Variants in PDE6A observed in about 807,000 individuals in gnomAD.
PDE6A encodes the protein rod cGMP-specific 3',5'-cyclic phosphodiesterase subunit alpha.
Under a neutral mutation model 106.3 loss-of-function variants are expected in PDE6A, and 84 were observed. The ratio of observed to expected loss-of-function variants is 0.79; its 90% CI spans 0.66 to 0.95. The LOEUF is 0.95. Ranked by LOEUF, PDE6A falls within the 40% of genes least tolerant of loss-of-function variation. The pLI is 0.00. For missense variants in PDE6A, 1,052 were observed against 1,084.9 expected (o/e 0.97, Z 0.43); for synonymous variants, 394 against 386.6 (o/e 1.02, Z -0.23).
chr5:149,896,497 C>T lies in PDE6A; in HGVS notation c.1479G>A (p.Ala493=), dbSNP rs772707339. 103 of 1,614,020 alleles carry T rather than the reference C, an allele frequency of 6.4e-5. No homozygotes were observed. Among genetic ancestry groups the T allele is most frequent in the African/African-American group, 2.0e-4 (15 of 74,902 alleles). The change falls in exon 12 of 22, where the codon GCG becomes GCA. Residue 493 remains alanine, a synonymous_variant. Transcript: ENST00000255266. ...CGTATTTATCTGCATCTGGCAGCTC[C>T]GCTTGCTGTATAAGGAATAGAGTCA... ...EEEELAEILQ[A]ELPDADKYEI...
At chr5:149,936,983 C>T (rs73798327) in intron 1 of PDE6A, among the ~76,000 whole-genome samples, 4 of 152,108 alleles carry the variant, frequency 2.6e-5, no homozygotes, top group East Asian at 1.9e-4. Context: ...ATTCAAACGG[C>T]GAGACAGACA....
In PDE6A at chr5:149,880,927, G is replaced by A. The variant is rs914330553; in HGVS notation, c.2135+2502C>T. Reference sequence around the variant, plus strand: ...ATACAAAAAAATTTAGCTGGGAATGGTGGCGGGTGCCTGTAGTCCCAGCTA... The same window carrying A: ...ATACAAAAAAATTTAGCTGGGAATGATGGCGGGTGCCTGTAGTCCCAGCTA... On this transcript the variant is annotated intron_variant, in intron 17 of 21. Transcript: ENST00000255266. 6.6e-5 allele frequency among the ~76,000 whole-genome samples: 10 copies of A among 152,184 alleles called. No individual in the cohort carries two copies. In the East Asian group the frequency reaches 1.9e-3, roughly 29 times the overall value.
intron 4 of PDE6A, among the ~76,000 whole-genome samples, chr5:149,924,877 C>T (rs1753828663): frequency 6.6e-6 from 1 of 152,150 alleles, no homozygotes; most frequent in Non-Finnish European, 1.5e-5. Context: ...GGAAGACTCA[C>T]TGGGCAAGGA....
rs533330370 is a variant in PDE6A, at chr5:149,889,710, A to G, written c.1729-3336T>C. Among the ~76,000 whole-genome samples, 3 of 152,202 alleles carry G rather than the reference A, an allele frequency of 2.0e-5. No homozygotes were observed. The South Asian group carries it at 6.2e-4, about 32-fold the overall frequency. On this transcript the variant is annotated intron_variant, in intron 13 of 21. Transcript: ENST00000255266. ...AACTTGAGGTCAGGAGTTCGAGATC[A>G]GCCTCGGCAACATGGTGAAATATCG...
rs568625734 is a variant in PDE6A, at chr5:149,919,462, C to T, written c.933+2173G>A. ...GGCGGAGGTTGCAGTGAGCTGAGAT[C>T]ATGCCACTGCACTCCAGCCTGGGCA... is the stretch of plus-strand genomic sequence containing the variant. On this transcript the variant is annotated intron_variant, in intron 5 of 21. Coordinates refer to ENST00000255266, the MANE Select transcript of PDE6A (RefSeq NM_000440.3). Among the ~76,000 whole-genome samples, 3 of 152,298 alleles carry T rather than the reference C, an allele frequency of 2.0e-5. No individual in the cohort carries two copies. In the South Asian group the frequency reaches 6.2e-4, roughly 32 times the overall value.
intron 5 of PDE6A, among the ~76,000 whole-genome samples, chr5:149,920,412 C>T (rs1238796657): frequency 3.9e-5 from 6 of 152,052 alleles, no homozygotes; most frequent in Non-Finnish European, 1.5e-5. Context: ...AAAACCCTGT[C>T]TCTACTAAAA....
At chr5:149,878,224 G>T (rs1191906223) in intron 17 of PDE6A, among the ~76,000 whole-genome samples, 1 of 152,152 alleles carries the variant, frequency 6.6e-6, no homozygotes, top group Non-Finnish European at 1.5e-5. Flanking sequence ...AGTTCCCAGA[G>T]GGGTATGTGT....
At chr5:149,866,661 G>T in intron 19 of PDE6A, 1 of 218,506 alleles carries the variant, frequency 4.6e-6, no homozygotes, top group Non-Finnish European at 9.2e-6. Flanking sequence ...ACAGAAATTG[G>T]GGATTAGATG....
In PDE6A at chr5:149,863,297, A is replaced by C; in HGVS notation, c.2359-31T>G. 6.2e-7 allele frequency: 1 copy of C among 1,613,286 alleles called. No individual in the cohort carries two copies. The highest frequency in any genetic ancestry group is 8.5e-7 in the Non-Finnish European group (1 of 1,179,346). ...AGAGAGAGTATGTGCCTCTGGTGCA[A>C]GGGCCAGGCCACAGGGTCTGGGCTC... On this transcript the variant is annotated intron_variant, in intron 20 of 21. Coordinates refer to ENST00000255266, the MANE Select transcript of PDE6A (RefSeq NM_000440.3). This position sits in a 1 kb window ranked among gnomAD's most constrained non-coding sequence, Gnocchi z 4.7.
chr5:149,865,950 T>C (rs952353647), intron 20 of PDE6A, among the ~76,000 whole-genome samples: 1 of 152,226 alleles, frequency 6.6e-6, no homozygotes, highest in Non-Finnish European at 1.5e-5. Context: ...CCCACAATTA[T>C]GTATTAAGCA....
At chr5:149,910,112 A>C (rs528382976) in intron 6 of PDE6A, among the ~76,000 whole-genome samples, 1 of 152,150 alleles carries the variant, frequency 6.6e-6, no homozygotes, top group Non-Finnish European at 1.5e-5. Flanking sequence ...TAGAATGGTA[A>C]TATCTTCCTG....
At chr5:149,899,247 G>C (rs1033533614) in intron 9 of PDE6A, 128 bp downstream of exon 9, 1 of 852,136 alleles carries the variant, frequency 1.2e-6, no homozygotes, top group Non-Finnish European at 2.0e-6. Flanking sequence ...GAAGAAAGTG[G>C]TTGATGAGGC....
chr5:149,861,981 C>G (rs1384561674), intron 21 of PDE6A, among the ~76,000 whole-genome samples: 1 of 152,162 alleles, frequency 6.6e-6, no homozygotes, highest in Non-Finnish European at 1.5e-5. Flanking sequence ...CGGAGTTGTG[C>G]AAAGCATAAA....
intron 19 of PDE6A, 196 bp from the exon 20 acceptor site, chr5:149,866,449 G>A: frequency 3.8e-6 from 2 of 533,138 alleles, no homozygotes; most frequent in Middle Eastern, 5.0e-4. Flanking sequence ...CAGAATGTGG[G>A]AAACTGCACA....
chr5:149,870,889 A>G (rs4705393), intron 17 of PDE6A, among the ~76,000 whole-genome samples: 2 of 144,602 alleles, frequency 1.4e-5, no homozygotes, highest in African/African-American at 5.7e-5. Flanking sequence ...GAAAGAAAGA[A>G]AAAGAAAGAA....
Position 149,898,368 on chromosome 5 carries a change from T to A in PDE6A, c.1402A>T (p.Ile468Phe), listed in dbSNP as rs773545901. ...VKCDNEEIQK[I>F]LKTREVYGKE... ...AAGTAAAGAACATTACACACCAAGA[T>A]TTTCTGAATTTCTTCATTGTCACAC... The change falls in exon 10 of 22, where the codon ATC (isoleucine) becomes TTC (phenylalanine). Residue 468 changes from isoleucine to phenylalanine, a missense_variant. Physicochemically the swap from Ile to Phe is conservative, Grantham distance 21 (BLOSUM62 0). Around this residue, in one of 3 missense-constraint regions of PDE6A, gnomAD observed 913 missense variants for 915.2 expected, o/e 1.00. Coordinates refer to ENST00000255266, the MANE Select transcript of PDE6A (RefSeq NM_000440.3). 1 of 1,613,416 alleles carries A rather than the reference T, an allele frequency of 6.2e-7. No individual in the cohort carries two copies. Among genetic ancestry groups the A allele is most frequent in the Non-Finnish European group, 8.5e-7 (1 of 1,179,468 alleles).
intron 1 of PDE6A, among the ~76,000 whole-genome samples, chr5:149,935,081 C>T (rs907989228): frequency 6.6e-6 from 1 of 152,128 alleles, no homozygotes; most frequent in African/African-American, 2.4e-5. Context: ...CGGGTAAAGA[C>T]TTTAGGAAGT....
In PDE6A at chr5:149,883,537, C is replaced by T; in HGVS notation, c.2028-1G>A. ...GATCTTTTGGAACATCGTCCTCTTC[C>T]TACAAAACATATCAGTCTAGTAAAG... is the stretch of plus-strand genomic sequence containing the variant. On this transcript the variant is annotated splice_acceptor_variant, in intron 16 of 21. Coordinates refer to ENST00000255266, the MANE Select transcript of PDE6A (RefSeq NM_000440.3). LOFTEE classifies it high-confidence loss of function. The T allele has an allele frequency of 6.2e-7, 1 of 1,602,028 alleles. No homozygotes were observed. The highest frequency in any genetic ancestry group is 1.1e-5 in the South Asian group (1 of 90,734).
chr5:149,901,018 C>G (rs1435140659), intron 8 of PDE6A, among the ~76,000 whole-genome samples: 1 of 152,030 alleles, frequency 6.6e-6, no homozygotes, highest in African/African-American at 2.4e-5. Flanking sequence ...TGGGTTCAAG[C>G]GATTCTCCTG....
Sources: gnomAD v4.1 joint callset for allele counts (sites outside exome capture counted in the v4.1 genomes callset) on GRCh38, gnomAD v4.1.1 for gene constraint, gnomAD v4.1.1 regional missense constraint, Gnocchi (gnomAD v3.1) non-coding constraint, MANE v1.5 for transcripts, NCBI Gene and HGNC (gene_info 2026-07-23, HGNC 2026-07-21) for gene names.